FGD4: variants seen among roughly 807,000 people sequenced by gnomAD.
The protein encoded by FGD4 is FYVE, RhoGEF and PH domain containing 4.
Under a neutral mutation model 102.0 loss-of-function variants are expected in FGD4, and 42 were observed. The observed-to-expected ratio is 0.41, with a 90% CI of 0.32 to 0.53. The LOEUF (loss-of-function observed/expected upper bound fraction) is 0.53, where lower values mean the gene tolerates loss of function less well. FGD4 is among the 20% of genes least tolerant of loss of function. The pLI, the probability that FGD4 is intolerant of heterozygous loss-of-function variation, is 0.21. For missense variants in FGD4, 902 were observed against 1,078.2 expected, an observed-to-expected ratio of 0.84 and a Z score of 2.29; for synonymous variants, 380 against 375.7, an observed-to-expected ratio of 1.01 and a Z score of -0.13.
At chr12:32,466,903 C>A (rs988916761) in intron 1 of FGD4, among the ~76,000 whole-genome samples, 10 of 148,362 alleles carry the variant, frequency 6.7e-5, no homozygotes, top group African/African-American at 2.5e-4. Flanking sequence ...TTAGCAATTA[C>A]ACCTCCTACG....
At chr12:32,571,694 T>C (rs891177030) in intron 2 of FGD4, among the ~76,000 whole-genome samples, 10 of 152,084 alleles carry the variant, frequency 6.6e-5, no homozygotes, top group African/African-American at 2.4e-4. Flanking sequence ...TAAGCCTTCT[T>C]AAAAAGTTGA....
intron 8 of FGD4, among the ~76,000 whole-genome samples, chr12:32,608,886 C>T (rs921655301): frequency 6.6e-6 from 1 of 152,028 alleles, no homozygotes; most frequent in South Asian, 2.1e-4. Flanking sequence ...GGATCCTTAA[C>T]CTTTTCTTTT....
intron 8 of FGD4, among the ~76,000 whole-genome samples, chr12:32,609,468 T>C (rs1010802494): frequency 1.3e-5 from 2 of 152,178 alleles, no homozygotes; most frequent in Non-Finnish European, 2.9e-5. Context: ...TTATTTTGTC[T>C]TCCTCTATCC....
chr12:32,490,229 T>A (rs959598474), intron 1 of FGD4, among the ~76,000 whole-genome samples: 4 of 152,196 alleles, frequency 2.6e-5, no homozygotes, highest in Non-Finnish European at 5.9e-5. Flanking sequence ...TCTACAGTTT[T>A]GACTAAAAAT....
chr12:32,479,918 A>G (rs1194642445), intron 1 of FGD4, among the ~76,000 whole-genome samples: 2 of 149,756 alleles, frequency 1.3e-5, no homozygotes, highest in Admixed American at 6.7e-5. Flanking sequence ...CCTCCCAAGT[A>G]ACTGGGACCA....
chr12:32,548,942 C>T (rs2136179493), intron 1 of FGD4, among the ~76,000 whole-genome samples: 1 of 152,222 alleles, frequency 6.6e-6, no homozygotes, highest in Non-Finnish European at 1.5e-5. Context: ...CCAGTAATGG[C>T]AATGTGAAGG....
At chr12:32,598,623 G>C in intron 5 of FGD4, 37 bp downstream of exon 5, 3 of 1,524,640 alleles carry the variant, frequency 2.0e-6, no homozygotes, top group Non-Finnish European at 2.7e-6. Flanking sequence ...TTATATTTTG[G>C]CATTATACAT....
intron 1 of FGD4, among the ~76,000 whole-genome samples, chr12:32,527,035 G>GAT (rs1008571394): frequency 3.9e-5 from 6 of 152,024 alleles, no homozygotes; most frequent in Non-Finnish European, 8.8e-5. Flanking sequence ...GGGCAGAGAG[G>GAT]ATATATATTG....
rs543463095 is a variant in FGD4, at chr12:32,532,400, A to T, written c.167-31737A>T. ...CTAGCATGAGTGATCAAGATTTTTG[A>T]CCTCCTAAACTTAGTTTTCTCTTCT... On this transcript the variant is annotated intron_variant, in intron 1 of 16. Coordinates refer to ENST00000534526, the MANE Select transcript of FGD4 (RefSeq NM_001370298.3). Among the ~76,000 whole-genome samples, 3 of 152,174 alleles carry T rather than the reference A, an allele frequency of 2.0e-5. No individual in the cohort carries two copies. In the East Asian group the frequency reaches 5.8e-4, roughly 29 times the overall value.
At position 32,598,098 on chromosome 12, in the gene FGD4, AAAAT is replaced by A. The variant is rs532711641; in HGVS notation, c.1012-397_1012-394del. ...CATGAGCCACTGCGGCTGGCCTAATAAAATATTTTTTAAAAATAAAAAATTAATA... is the reference window on the plus strand; with the variant it reads ...CATGAGCCACTGCGGCTGGCCTAATAATTTTTTAAAAATAAAAAATTAATA... On this transcript the variant is annotated intron_variant, in intron 4 of 16. Coordinates refer to ENST00000534526, the MANE Select transcript of FGD4 (RefSeq NM_001370298.3). Among the ~76,000 whole-genome samples the A allele has an allele frequency of 1.2e-4, 18 of 152,340 alleles. No individual in the cohort carries two copies. The East Asian group carries it at 3.3e-3, about 28-fold the overall frequency.
At chr12:32,452,087 T>G (rs1942795157) in intron 1 of FGD4, among the ~76,000 whole-genome samples, 1 of 152,190 alleles carries the variant, frequency 6.6e-6, no homozygotes, top group South Asian at 2.1e-4. Flanking sequence ...ACTCCCAAGG[T>G]TCTGACTGAT....
At chr12:32,404,337 A>T (rs942887681) in intron 1 of FGD4, among the ~76,000 whole-genome samples, 6 of 151,826 alleles carry the variant, frequency 4.0e-5, no homozygotes, top group African/African-American at 1.5e-4. Context: ...GAACTTCTAG[A>T]GTACTAATTT....
chr12:32,535,619 T>G (rs907540317), intron 1 of FGD4, among the ~76,000 whole-genome samples: 9 of 145,992 alleles, frequency 6.2e-5, no homozygotes, highest in Non-Finnish European at 1.3e-4. Flanking sequence ...AAATTTACCA[T>G]CATACTCTAA....
intron 3 of FGD4, among the ~76,000 whole-genome samples, 194 bp downstream of exon 3, chr12:32,576,643 A>G (rs1165657883): frequency 2.0e-5 from 3 of 152,232 alleles, no homozygotes; most frequent in Non-Finnish European, 2.9e-5. Flanking sequence ...TTTACTATGT[A>G]TTAGCTAGGT....
intron 1 of FGD4, among the ~76,000 whole-genome samples, chr12:32,540,054 A>G (rs1033758981): frequency 1.3e-5 from 2 of 152,148 alleles, no homozygotes; most frequent in Non-Finnish European, 2.9e-5. Context: ...AATATCAAGG[A>G]AAAAAGGTAT....
rs145563385 is a variant in FGD4, at chr12:32,416,184, A to T, written c.166+16225A>T. Among the ~76,000 whole-genome samples, 160 of 152,158 alleles carry T rather than the reference A, an allele frequency of 1.1e-3. 1 individual carries two copies. The highest frequency in any genetic ancestry group is 3.6e-3 in the African/African-American group (151 of 41,510). On this transcript the variant is annotated intron_variant, in intron 1 of 16. Transcript: ENST00000534526. ...CCAGCTAATTTTTGTATTTTTTGTA[A>T]AGACAGGGTTTCCCTGTGTTGCCCA...
intron 1 of FGD4, among the ~76,000 whole-genome samples, chr12:32,552,082 G>A (rs1346752561): frequency 2.6e-5 from 4 of 152,196 alleles, no homozygotes; most frequent in African/African-American, 7.2e-5. Flanking sequence ...AGCAGTCTGC[G>A]AACCTCCTCC....
intron 4 of FGD4, among the ~76,000 whole-genome samples, chr12:32,596,152 A>C (rs1947873625): frequency 6.6e-6 from 1 of 152,240 alleles, no homozygotes; most frequent in African/African-American, 2.4e-5. Flanking sequence ...GTATTTCAGC[A>C]AAGTACTAGA....
At chr12:32,432,908 A>G (rs552105691) in intron 1 of FGD4, among the ~76,000 whole-genome samples, 28 of 152,312 alleles carry the variant, frequency 1.8e-4, no homozygotes, top group East Asian at 1.9e-4. Context: ...AGCTCAATAT[A>G]TAAAAACCTA....
Sources: gnomAD v4.1 joint callset for allele counts (sites outside exome capture counted in the v4.1 genomes callset) on GRCh38, gnomAD v4.1.1 for gene constraint, MANE v1.5 for transcripts, NCBI Gene and HGNC (gene_info 2026-07-23, HGNC 2026-07-21) for gene names.